Variants in TULP3 observed in about 807,000 individuals in gnomAD.
TULP3 encodes the protein TUB like protein 3, also known as tubby-related protein 3.
TULP3 carries 38 observed loss-of-function variants against 50.7 expected under a neutral mutation model. The observed-to-expected ratio is 0.75, with a 90% CI of 0.58 to 0.98. TULP3 has a LOEUF of 0.98. TULP3 is among the 50% of genes least tolerant of loss of function. The probability of loss-of-function intolerance (pLI) is 0.00; values close to 1 mark genes in which losing one functional copy is unlikely to be tolerated. For missense variants in TULP3, 550 were observed against 568.0 expected, an observed-to-expected ratio of 0.97 and a Z score of 0.32; for synonymous variants, 183 against 196.6, an observed-to-expected ratio of 0.93 and a Z score of 0.58.
intron 2 of TULP3, among the ~76,000 whole-genome samples, chr12:2,911,591 T>C (rs1273675786): frequency 4.1e-5 from 6 of 147,544 alleles, no homozygotes; most frequent in Non-Finnish European, 8.9e-5. Context: ...GGTCTCGAAC[T>C]CCTGACCTCA....
chr12:2,911,932 T>G (rs867854953), intron 2 of TULP3, among the ~76,000 whole-genome samples: 7 of 151,672 alleles, frequency 4.6e-5, no homozygotes, highest in African/African-American at 1.7e-4. Flanking sequence ...TAGTTCAGTC[T>G]GGGCAACACA....
At chr12:2,929,262 A>G (rs182824158) in intron 4 of TULP3, among the ~76,000 whole-genome samples, 1,930 of 151,912 alleles carry the variant, frequency 0.013, 39 homozygotes, top group African/African-American at 0.042. Flanking sequence ...GCTTGCAGTG[A>G]GTCGAGATCG....
chr12:2,928,695 C>T (rs1342006875), intron 4 of TULP3, among the ~76,000 whole-genome samples: 1 of 152,040 alleles, frequency 6.6e-6, no homozygotes, highest in Admixed American at 6.6e-5. Flanking sequence ...GTAATCCCAG[C>T]ACTTTGTGAG....
intron 2 of TULP3, among the ~76,000 whole-genome samples, chr12:2,914,489 C>CTAA (rs2098187498): frequency 6.6e-6 from 1 of 152,216 alleles, no homozygotes; most frequent in Non-Finnish European, 1.5e-5. Flanking sequence ...TTTCTTCTGT[C>CTAA]TAACTGTATG....
At chr12:2,913,723 G>A (rs1336832615) in intron 2 of TULP3, among the ~76,000 whole-genome samples, 1 of 152,166 alleles carries the variant, frequency 6.6e-6, no homozygotes, top group African/African-American at 2.4e-5. Flanking sequence ...CAATTCTCCT[G>A]CCTCAGCCTC....
At chr12:2,931,742 T>C (rs1436886441) in intron 6 of TULP3, among the ~76,000 whole-genome samples, 2 of 152,156 alleles carry the variant, frequency 1.3e-5, no homozygotes, top group African/African-American at 4.8e-5. Flanking sequence ...TAATACCAGG[T>C]CTTAACAGAT....
chr12:2,931,544 G>A (rs763696183), intron 6 of TULP3, among the ~76,000 whole-genome samples: 40 of 152,170 alleles, frequency 2.6e-4, no homozygotes, highest in Admixed American at 6.5e-5. Flanking sequence ...GTTACTGTTT[G>A]TTCTTTTGGT....
In TULP3 at chr12:2,915,813, C is replaced by T. The variant is rs560683941; in HGVS notation, c.94-4950C>T. Among the ~76,000 whole-genome samples the T allele has an allele frequency of 6.7e-5, 10 of 149,434 alleles. No individual in the cohort carries two copies. The East Asian group carries it at 1.4e-3, about 21-fold the overall frequency. ...CCCGCCTCAGCCTCCCAAAGTGCTG[C>T]GATTACAGGCGTGAGCCACCGTGCC... On this transcript the variant is annotated intron_variant, in intron 2 of 10. Coordinates refer to ENST00000448120, the MANE Select transcript of TULP3 (RefSeq NM_003324.5).
intron 1 of TULP3, among the ~76,000 whole-genome samples, chr12:2,898,071 C>G (rs994414297): frequency 9.2e-6 from 1 of 108,750 alleles, no homozygotes; most frequent in African/African-American, 3.8e-5. Flanking sequence ...AGAGCGGAAA[C>G]TAGATCTCAA....
intron 4 of TULP3, among the ~76,000 whole-genome samples, chr12:2,922,859 T>TTTTC (rs2098192563): frequency 6.6e-6 from 1 of 150,542 alleles, no homozygotes; most frequent in Admixed American, 6.6e-5. Context: ...AAAATAATTT[T>TTTTC]TTTTTTTTTT....
At chr12:2,928,901 T>C (rs1405138091) in intron 4 of TULP3, among the ~76,000 whole-genome samples, 1 of 151,408 alleles carries the variant, frequency 6.6e-6, no homozygotes, top group Non-Finnish European at 1.5e-5. Flanking sequence ...GCTGAGATGG[T>C]GCCACTGCAC....
intron 2 of TULP3, among the ~76,000 whole-genome samples, chr12:2,918,612 C>T (rs2098190025): frequency 6.6e-6 from 1 of 152,130 alleles, no homozygotes; most frequent in South Asian, 2.1e-4. Flanking sequence ...ATAATCTCAG[C>T]TCGCCGCAAC....
rs1386260183 is a variant in TULP3 at position 2,938,210 on chromosome 12, T to G, written c.1120T>G (p.Ser374Ala). 6.2e-7 allele frequency: 1 copy of G among 1,614,170 alleles called. No individual in the cohort carries two copies. The highest frequency in any genetic ancestry group is 1.1e-5 in the South Asian group (1 of 91,086). The change falls in exon 10 of 11, where the codon TCC (serine) becomes GCC (alanine). Residue 374 changes from serine (S) to alanine (A), a missense_variant. Transcript: ENST00000448120. ...KAPVWNSDTQSYVLNFRGRVT... is the reference protein window; with the variant it reads ...KAPVWNSDTQAYVLNFRGRVT... ...CCCCGTCTGGAACAGTGACACTCAG[T>G]CCTATGTCCTCAACTTCCGTGGCCG...
intron 1 of TULP3, among the ~76,000 whole-genome samples, chr12:2,898,828 C>T (rs945351113): frequency 2.6e-4 from 39 of 149,080 alleles, no homozygotes; most frequent in Non-Finnish European, 4.9e-4. Context: ...TACAGGTGTG[C>T]ACCACCACAC....
At chr12:2,908,991 C>T (rs997429940) in intron 1 of TULP3, among the ~76,000 whole-genome samples, 3 of 152,002 alleles carry the variant, frequency 2.0e-5, no homozygotes, top group Admixed American at 6.6e-5. Context: ...GAAATTTTTC[C>T]CGTCTTAGAA....
intron 1 of TULP3, among the ~76,000 whole-genome samples, chr12:2,899,191 C>G (rs1001247605): frequency 9.2e-5 from 14 of 151,596 alleles, no homozygotes; most frequent in African/African-American, 3.1e-4. Context: ...ACTAAAAATA[C>G]AAAATTAGCC....
chr12:2,907,617 C>T (rs2098183088), intron 1 of TULP3, among the ~76,000 whole-genome samples: 1 of 151,076 alleles, frequency 6.6e-6, no homozygotes, highest in Non-Finnish European at 1.5e-5. Flanking sequence ...CACTGCACTC[C>T]AGCTTGGGCA....
At chr12:2,893,246 A>G (rs7485040) in intron 1 of TULP3, among the ~76,000 whole-genome samples, 71,994 of 151,108 alleles carry the variant, frequency 0.48, 17,588 homozygotes, top group African/African-American at 0.59. Context: ...TGCAACTTCT[A>G]TCAGTGTTTA....
At chr12:2,893,732 G>A (rs1393067804) in intron 1 of TULP3, among the ~76,000 whole-genome samples, 1 of 149,682 alleles carries the variant, frequency 6.7e-6, no homozygotes. Flanking sequence ...TTTTTTTCTT[G>A]GAATTATGTA....
Sources: gnomAD v4.1 joint callset for allele counts (sites outside exome capture counted in the v4.1 genomes callset) on GRCh38, gnomAD v4.1.1 for gene constraint, MANE v1.5 for transcripts, NCBI Gene and HGNC (gene_info 2026-07-23, HGNC 2026-07-21) for gene names.